The following NAALADL2 variants were observed in gnomAD, a reference collection of about 807,000 sequenced individuals.
NAALADL2 encodes inactive N-acetylated-alpha-linked acidic dipeptidase-like protein 2.
NAALADL2 carries 76 observed loss-of-function variants against 87.2 expected under a neutral mutation model. The ratio of observed to expected loss-of-function variants is 0.87; its 90% confidence interval spans 0.72 to 1.05. The LOEUF is 1.05. NAALADL2 is among the 50% of genes least tolerant of loss of function. The probability of loss-of-function intolerance (pLI) is 0.00; values close to 1 mark genes in which losing one functional copy is unlikely to be tolerated. For synonymous variants in NAALADL2, 354 were observed against 331.0 expected, an observed-to-expected ratio of 1.07 and a Z score of -0.75; for missense variants, 1,089 against 945.8, an observed-to-expected ratio of 1.15 and a Z score of -1.99.
chr3:174,837,794 A>G (rs1303149631), intron 3 of NAALADL2, among the ~76,000 whole-genome samples: 1 of 151,464 alleles, frequency 6.6e-6, no homozygotes, highest in East Asian at 2.0e-4. Context: ...ACTCTGTCTC[A>G]AAAAAAACAA....
chr3:175,597,693 A>G (rs1277027105), intron 10 of NAALADL2, among the ~76,000 whole-genome samples: 1 of 151,988 alleles, frequency 6.6e-6, no homozygotes, highest in Non-Finnish European at 1.5e-5. Flanking sequence ...ACTAAATGCC[A>G]CTATAGTTAC....
At chr3:175,573,786 G>A (rs1267141476) in intron 9 of NAALADL2, among the ~76,000 whole-genome samples, 2 of 152,084 alleles carry the variant, frequency 1.3e-5, no homozygotes, top group African/African-American at 4.8e-5. Flanking sequence ...CCCCACTTTC[G>A]AAAAATTCAG....
At chr3:175,707,716 A>T (rs545293059) in intron 11 of NAALADL2, among the ~76,000 whole-genome samples, 9 of 152,226 alleles carry the variant, frequency 5.9e-5, no homozygotes, top group Admixed American at 3.9e-4. Flanking sequence ...AATTATTATT[A>T]AGTTCTTTCT....
chr3:175,756,361 G>T (rs1374337031), intron 13 of NAALADL2, among the ~76,000 whole-genome samples: 1 of 152,050 alleles, frequency 6.6e-6, no homozygotes, highest in African/African-American at 2.4e-5. Context: ...ATATCAAAAA[G>T]ATACTTGCAT....
intron 1 of NAALADL2, among the ~76,000 whole-genome samples, chr3:174,971,325 T>G (rs1200721868): frequency 6.6e-6 from 1 of 152,210 alleles, no homozygotes; most frequent in Admixed American, 6.5e-5. Context: ...TTGTTAAAAG[T>G]ATGAAAGCAA....
chr3:174,652,453 G>A (rs186331192), intron 2 of NAALADL2, among the ~76,000 whole-genome samples: 4 of 152,266 alleles, frequency 2.6e-5, no homozygotes, highest in African/African-American at 9.6e-5. Context: ...CCACATGGCT[G>A]GGGAGGCCTC....
intron 2 of NAALADL2, among the ~76,000 whole-genome samples, chr3:174,654,101 T>TG (rs1431982621): frequency 2.0e-5 from 3 of 147,106 alleles, no homozygotes; most frequent in African/African-American, 5.1e-5. Flanking sequence ...TGTGTGTGTG[T>TG]TAGAAATGTG....
intron 2 of NAALADL2, among the ~76,000 whole-genome samples, chr3:174,631,512 G>A (rs971897041): frequency 1.3e-5 from 2 of 152,098 alleles, no homozygotes; most frequent in Non-Finnish European, 2.9e-5. Flanking sequence ...TTTGCTTGTG[G>A]CTCTCATTAT....
intron 2 of NAALADL2, among the ~76,000 whole-genome samples, chr3:175,134,292 C>G (rs1018866645): frequency 1.3e-5 from 2 of 152,190 alleles, no homozygotes; most frequent in African/African-American, 4.8e-5. Context: ...CAAAGCTTAA[C>G]CTGTATCTGC....
intron 11 of NAALADL2, among the ~76,000 whole-genome samples, chr3:175,710,684 G>A (rs1740410301): frequency 6.6e-6 from 1 of 151,260 alleles, no homozygotes. Flanking sequence ...ATTTTGAGAT[G>A]TGCTTATATA....
At chr3:175,755,692 A>G (rs543865531) in intron 13 of NAALADL2, among the ~76,000 whole-genome samples, 2 of 150,850 alleles carry the variant, frequency 1.3e-5, no homozygotes, top group Admixed American at 6.6e-5. Flanking sequence ...GCCAATGAAA[A>G]AGCAAATGGA....
intron 11 of NAALADL2, among the ~76,000 whole-genome samples, chr3:175,639,824 A>G (rs942547315): frequency 3.3e-5 from 5 of 152,160 alleles, no homozygotes; most frequent in African/African-American, 1.2e-4. Flanking sequence ...CCCAGTTTGG[A>G]AGAATAAATC....
At chr3:174,954,555 A>C (rs1740884860) in intron 1 of NAALADL2, among the ~76,000 whole-genome samples, 1 of 152,080 alleles carries the variant, frequency 6.6e-6, no homozygotes, top group Non-Finnish European at 1.5e-5. Flanking sequence ...AGTTAGATAA[A>C]AGAGTATATT....
chr3:174,877,430 C>G (rs1343525042), intron 1 of NAALADL2, among the ~76,000 whole-genome samples: 1 of 152,044 alleles, frequency 6.6e-6, no homozygotes, highest in Admixed American at 6.6e-5. Flanking sequence ...TTACTTCAAT[C>G]TCCATTCCAT....
At chr3:175,723,242 T>G (rs910946421) in intron 11 of NAALADL2, among the ~76,000 whole-genome samples, 19 of 152,178 alleles carry the variant, frequency 1.2e-4, no homozygotes, top group Non-Finnish European at 2.6e-4. Flanking sequence ...GCTCTTCAGA[T>G]AGCCCTCGAC....
At chr3:174,687,567 C>T (rs1413587686) in intron 2 of NAALADL2, among the ~76,000 whole-genome samples, 3 of 152,026 alleles carry the variant, frequency 2.0e-5, no homozygotes, top group African/African-American at 7.2e-5. Flanking sequence ...ATGTTAACAA[C>T]TGGCTTTATG....
At chr3:174,746,283 A>G (rs868519135) in intron 3 of NAALADL2, among the ~76,000 whole-genome samples, 26 of 152,292 alleles carry the variant, frequency 1.7e-4, no homozygotes, top group South Asian at 1.5e-3. Context: ...TTATACACCA[A>G]CAATGAACAA....
rs556908110 is a variant in NAALADL2, at chr3:175,704,190, G to A, written c.1897-33116G>A. Among the ~76,000 whole-genome samples, 317 of 152,214 alleles carry A rather than the reference G, an allele frequency of 2.1e-3. 1 individual carries two copies. The highest frequency in any genetic ancestry group is 3.4e-3 in the Non-Finnish European group (229 of 68,012). ...TAATATATGAAAGAACCTTAGTACT[G>A]TGCTTGCAATACACTAAATAAATAC... On this transcript the variant is annotated intron_variant, in intron 11 of 13. Transcript: ENST00000454872.
At chr3:174,943,488 T>C (rs764754595) in intron 1 of NAALADL2, among the ~76,000 whole-genome samples, 16 of 152,190 alleles carry the variant, frequency 1.1e-4, no homozygotes, top group Non-Finnish European at 1.9e-4. Flanking sequence ...TGGCTGTGAA[T>C]CATGGCTTGG....
Sources: gnomAD v4.1 joint callset for allele counts (sites outside exome capture counted in the v4.1 genomes callset) on GRCh38, gnomAD v4.1.1 for gene constraint, MANE v1.5 for transcripts, NCBI Gene and HGNC (gene_info 2026-07-23, HGNC 2026-07-21) for gene names.